ATG7: variants seen among roughly 807,000 people sequenced by gnomAD.
ATG7 encodes the protein autophagy related 7.
ATG7 carries 70 observed loss-of-function variants against 82.4 expected under a neutral mutation model. The ratio of observed to expected loss-of-function variants is 0.85; its 90% CI spans 0.70 to 1.04. The LOEUF (loss-of-function observed/expected upper bound fraction) is 1.04. Among genes scored for constraint, ATG7 ranks in the 50% least tolerant of loss-of-function variants. ATG7 has a pLI of 0.00. For missense variants in ATG7, 792 were observed against 864.3 expected (o/e 0.92, Z 1.05); for synonymous variants, 287 against 313.0 (o/e 0.92, Z 0.88).
intron 20 of ATG7, among the ~76,000 whole-genome samples, chr3:11,523,050 G>A: frequency 6.6e-6 from 1 of 152,158 alleles, no homozygotes; most frequent in Admixed American, 6.5e-5. Context: ...ACTTTATAAA[G>A]TATGTTGTAA....
intron 9 of ATG7, among the ~76,000 whole-genome samples, chr3:11,326,679 A>G (rs1481166115): frequency 6.6e-6 from 1 of 152,252 alleles, no homozygotes; most frequent in Non-Finnish European, 1.5e-5. Context: ...TGTGTGGCAG[A>G]CGCTATCTGT....
intron 17 of ATG7, 37 bp downstream of exon 17, chr3:11,362,965 G>C (rs745968233): frequency 6.4e-7 from 1 of 1,563,738 alleles, no homozygotes; most frequent in South Asian, 1.1e-5. Flanking sequence ...TTTAAACAAA[G>C]CTTTTGTAGG....
chr3:11,358,256 G>T (rs1281739463), intron 14 of ATG7, among the ~76,000 whole-genome samples, 162 bp from the exon 15 acceptor site: 1 of 152,130 alleles, frequency 6.6e-6, no homozygotes, highest in Non-Finnish European at 1.5e-5. Context: ...GGATGCAGAG[G>T]TGAAGAAGAG....
chr3:11,332,882 A>C (rs1295932757), intron 10 of ATG7, 90 bp from the exon 11 acceptor site: 47 of 1,272,094 alleles, frequency 3.7e-5, no homozygotes, highest in Non-Finnish European at 4.6e-5. Context: ...ATTCTCTCCA[A>C]CTGGTTTGCT....
At chr3:11,562,167 G>A (rs1200401366), downstream of ATG7, among the ~76,000 whole-genome samples, 1 of 152,130 alleles carries the variant, frequency 6.6e-6, no homozygotes, top group Non-Finnish European at 1.5e-5. Flanking sequence ...AAAGGGCTGG[G>A]ATTACAGGTG....
At chr3:11,355,232 G>A (rs556715144) in intron 14 of ATG7, among the ~76,000 whole-genome samples, 40 of 152,266 alleles carry the variant, frequency 2.6e-4, no homozygotes, top group African/African-American at 9.1e-4. Flanking sequence ...TTCTGTATAC[G>A]GAGTGGAGAG....
chr3:11,489,986 A>G (rs1345152007), intron 20 of ATG7, among the ~76,000 whole-genome samples: 6 of 151,986 alleles, frequency 3.9e-5, no homozygotes, highest in Non-Finnish European at 8.8e-5. Flanking sequence ...GTAGATGTCT[A>G]TTAGGTCCGC....
intron 20 of ATG7, among the ~76,000 whole-genome samples, chr3:11,467,008 C>T (rs927038038): frequency 1.3e-5 from 2 of 152,148 alleles, no homozygotes; most frequent in African/African-American, 4.8e-5. Flanking sequence ...CCTGTAATCT[C>T]AGCTGCTTTG....
intron 18 of ATG7, among the ~76,000 whole-genome samples, chr3:11,378,257 T>TCTGCC (rs766498609): frequency 4.0e-5 from 6 of 150,572 alleles, no homozygotes; most frequent in East Asian, 2.0e-4. Context: ...CCTCAGGTGA[T>TCTGCC]CTGCCCGCCT....
intron 3 of ATG7, among the ~76,000 whole-genome samples, chr3:11,291,094 C>T (rs894866812): frequency 6.6e-6 from 1 of 152,172 alleles, no homozygotes; most frequent in African/African-American, 2.4e-5. Context: ...TGGTAAAATT[C>T]CATCTTGATG....
rs144209678 is a variant in ATG7, at chr3:11,453,986, G to A, written c.2079+27060G>A. On this transcript the variant is annotated intron_variant, in intron 20 of 20. Coordinates refer to ENST00000693202, the MANE Select transcript of ATG7 (RefSeq NM_001349232.2). The stretch of plus-strand genomic sequence containing the variant: ...AAAAGCAGACATCAGAGGAAATTCC[G>A]TGTAAATAAATGTGACTGCCACTTC... Among the ~76,000 whole-genome samples, 95 of 152,300 alleles carry A rather than the reference G, an allele frequency of 6.2e-4. 3 individuals carry two copies. In the East Asian group the frequency reaches 0.015, roughly 24 times the overall value.
chr3:11,289,787 T>C (rs1357777150), intron 3 of ATG7, among the ~76,000 whole-genome samples: 1 of 152,162 alleles, frequency 6.6e-6, no homozygotes, highest in African/African-American at 2.4e-5. Flanking sequence ...CTCAAACTCC[T>C]GGGCTCAAGC....
chr3:11,454,905 G>A (rs2085550803), intron 20 of ATG7, among the ~76,000 whole-genome samples: 1 of 152,138 alleles, frequency 6.6e-6, no homozygotes, highest in South Asian at 2.1e-4. Flanking sequence ...CTACTATAGA[G>A]AGGACAAACT....
At chr3:11,466,129 G>A (rs2153005956) in intron 20 of ATG7, among the ~76,000 whole-genome samples, 1 of 152,322 alleles carries the variant, frequency 6.6e-6, no homozygotes, top group Admixed American at 6.5e-5. Context: ...GGCATGAGAA[G>A]AACTCCAGCA....
Position 11,332,973 on chromosome 3 carries a change from A to C in ATG7, c.769A>C (p.Ser257Arg), listed in dbSNP as rs2152756946. Reference protein sequence around the residue: ...NFLVLAAHRWSSSFQSVEVVC... With the variant: ...NFLVLAAHRWRSSFQSVEVVC... Reference sequence around the variant, plus strand: ...ATAAAAATCCGGGCATGACAACAGGAGTAGCAGTTTCCAGTCTGTTGAAGT... The same window carrying C: ...ATAAAAATCCGGGCATGACAACAGGCGTAGCAGTTTCCAGTCTGTTGAAGT... Residue 257 changes from serine to arginine, a missense_variant and splice_region_variant, in exon 11 of 21, where the codon AGT becomes CGT. Coordinates refer to ENST00000693202, the MANE Select transcript of ATG7 (RefSeq NM_001349232.2). 1 of 1,528,112 alleles carries C rather than the reference A, an allele frequency of 6.5e-7. No individual in the cohort carries two copies. The highest frequency in any genetic ancestry group is 2.5e-5 in the East Asian group (1 of 40,042). The allele number at this position is 1,528,112 out of a possible 1,614,324, so 94.7% of individuals were successfully genotyped here.
intron 1 of ATG7, among the ~76,000 whole-genome samples, chr3:11,279,598 C>T (rs1942619574): frequency 2.0e-5 from 3 of 152,086 alleles, no homozygotes; most frequent in African/African-American, 7.2e-5. Flanking sequence ...GCAGGAGAAT[C>T]GCTTGAACCC....
chr3:11,488,487 GC>G (rs2089993428), intron 20 of ATG7: 2 of 1,265,612 alleles, frequency 1.6e-6, no homozygotes, highest in South Asian at 2.0e-5. Flanking sequence ...TGCAGCTGGG[GC>G]CCGCGGGTGT....
At chr3:11,544,720 T>C (rs2071124875) in intron 20 of ATG7, among the ~76,000 whole-genome samples, 1 of 152,256 alleles carries the variant, frequency 6.6e-6, no homozygotes, top group Non-Finnish European at 1.5e-5. Flanking sequence ...TGACTGTGTG[T>C]GTCTCAGGTA....
chr3:11,349,168 G>GCGCT (rs1209980916), intron 14 of ATG7, among the ~76,000 whole-genome samples: 1 of 152,292 alleles, frequency 6.6e-6, no homozygotes, highest in East Asian at 1.9e-4. Flanking sequence ...TAGACACACA[G>GCGCT]CGCTGATTGG....
Sources: allele counts gnomAD v4.1 joint callset (sites outside exome capture counted in the v4.1 genomes callset), GRCh38; gene constraint gnomAD v4.1.1; transcripts MANE v1.5; gene names NCBI Gene and HGNC (gene_info 2026-07-23, HGNC 2026-07-21).